Variants in CELF2 observed in about 807,000 individuals in gnomAD.
CELF2 encodes CUGBP Elav-like family member 2, also known as CUG triplet repeat RNA-binding protein 2.
In CELF2, 8 loss-of-function variants were observed where a neutral mutation model predicts 62.6. The observed-to-expected ratio is 0.13, with a 90% CI of 0.07 to 0.23. CELF2 has a LOEUF of 0.23. Among genes scored for constraint, CELF2 ranks in the 10% least tolerant of loss-of-function variants. CELF2 has a pLI of 1.00. For missense variants in CELF2, 333 were observed against 671.0 expected, an observed-to-expected ratio of 0.50 and a Z score of 5.56; for synonymous variants, 258 against 250.0, an observed-to-expected ratio of 1.03 and a Z score of -0.30.
intron 4 of CELF2, 71 bp from the exon 5 acceptor site, chr10:11,257,667 G>A: frequency 6.4e-7 from 1 of 1,551,996 alleles, no homozygotes; most frequent in Non-Finnish European, 8.8e-7. Flanking sequence ...GGTTTGATGG[G>A]GTAATGAAGC....
the CELF2 span, among the ~76,000 whole-genome samples, chr10:10,671,717 G>A: frequency 2.0e-5 from 3 of 151,376 alleles, no homozygotes; most frequent in South Asian, 4.2e-4. Flanking sequence ...ATGCTTATTT[G>A]CCATCTGTAT....
Position 11,334,152 on chromosome 10 carries a change from ACTCAGTCACT to A in CELF2, c.*5100_*5109del, listed in dbSNP as rs1195633861. 3 of 152,678 alleles carry A rather than the reference ACTCAGTCACT, an allele frequency of 2.0e-5. No individual in the cohort carries two copies. The highest frequency in any genetic ancestry group is 7.2e-5 in the African/African-American group (3 of 41,460). 9.5% of individuals were successfully genotyped at this position (152,678 alleles called of 1,614,324 possible). A position where few individuals can be genotyped will look rare whatever the true frequency, so the allele number is the denominator to read the frequency against. On this transcript the variant is annotated 3_prime_UTR_variant, in exon 13 of 13. Coordinates refer to ENST00000633077, the MANE Select transcript of CELF2 (RefSeq NM_001326342.2). ...CAATAAGGTAATTAGATTTAGAAGT[ACTCAGTCACT>A]TTAAGTGGATAAATGTATTAGTTAA... is the stretch of plus-strand genomic sequence containing the variant.
intron 1 of CELF2, among the ~76,000 whole-genome samples, chr10:10,905,412 T>A (rs551418597): frequency 3.9e-5 from 6 of 152,302 alleles, no homozygotes; most frequent in African/African-American, 1.4e-4. Context: ...TAAATTGCCA[T>A]TAGAGTTTGG....
intron 2 of CELF2, among the ~76,000 whole-genome samples, chr10:10,984,580 A>C (rs1259109772): frequency 6.6e-6 from 1 of 152,222 alleles, no homozygotes; most frequent in African/African-American, 2.4e-5. Flanking sequence ...GGATAACCTC[A>C]GTTGCATGTA....
chr10:10,932,624 T>C (rs1386748744), intron 2 of CELF2, among the ~76,000 whole-genome samples: 1 of 152,126 alleles, frequency 6.6e-6, no homozygotes, highest in Non-Finnish European at 1.5e-5. Context: ...GAAGAAAGCA[T>C]GTTCTTTCTT....
At chr10:10,777,508 C>G in the CELF2 span, among the ~76,000 whole-genome samples, 2 of 152,160 alleles carry the variant, frequency 1.3e-5, no homozygotes, top group Non-Finnish European at 2.9e-5. Flanking sequence ...CTCAGTCCAG[C>G]CTTCGCGACA....
chr10:10,568,483 C>T, the CELF2 span, among the ~76,000 whole-genome samples: 182 of 152,246 alleles, frequency 1.2e-3, no homozygotes, highest in African/African-American at 4.0e-3. Flanking sequence ...GTCCTTGTGA[C>T]GAAGAGCCTA....
At chr10:10,702,251 A>G in the CELF2 span, among the ~76,000 whole-genome samples, 5 of 152,212 alleles carry the variant, frequency 3.3e-5, no homozygotes, top group African/African-American at 9.6e-5. Context: ...ACAGCCACAA[A>G]ACAAATGATT....
At chr10:10,568,964 A>G in the CELF2 span, among the ~76,000 whole-genome samples, 2 of 152,166 alleles carry the variant, frequency 1.3e-5, no homozygotes, top group African/African-American at 4.8e-5. Flanking sequence ...CTTTCAGGCC[A>G]TTCCTTCTCC....
the CELF2 span, among the ~76,000 whole-genome samples, chr10:10,637,245 C>T: frequency 5.9e-5 from 9 of 152,146 alleles, no homozygotes; most frequent in Non-Finnish European, 1.0e-4. Flanking sequence ...AAGGGATTTA[C>T]TATGTCCCCC....
intron 1 of CELF2, among the ~76,000 whole-genome samples, chr10:11,050,723 C>A (rs945148097): frequency 1.3e-5 from 2 of 152,238 alleles, no homozygotes; most frequent in Non-Finnish European, 2.9e-5. Flanking sequence ...CTCTCTGTCA[C>A]CAATCCCTTC....
chr10:10,559,726 G>A, the CELF2 span, among the ~76,000 whole-genome samples: 1 of 152,138 alleles, frequency 6.6e-6, no homozygotes, highest in Admixed American at 6.5e-5. Flanking sequence ...TCTGAGAATT[G>A]TAAGGTAGGA....
At chr10:10,605,713 C>T in the CELF2 span, among the ~76,000 whole-genome samples, 262 of 152,276 alleles carry the variant, frequency 1.7e-3, 2 homozygotes, top group African/African-American at 5.7e-3. Context: ...TGTGTGTTTG[C>T]GCAAATATTC....
chr10:11,212,261 C>A (rs954757337), intron 2 of CELF2, among the ~76,000 whole-genome samples: 1 of 152,146 alleles, frequency 6.6e-6, no homozygotes, highest in Non-Finnish European at 1.5e-5. Flanking sequence ...CCAGGGCTTT[C>A]CATACCTGTC....
At chr10:11,099,529 A>C (rs907882194) in intron 1 of CELF2, among the ~76,000 whole-genome samples, 1 of 152,176 alleles carries the variant, frequency 6.6e-6, no homozygotes, top group African/African-American at 2.4e-5. Context: ...AGATGGATTA[A>C]AAAGGGGACT....
At chr10:10,753,919 T>C in the CELF2 span, among the ~76,000 whole-genome samples, 1 of 152,164 alleles carries the variant, frequency 6.6e-6, no homozygotes, top group Non-Finnish European at 1.5e-5. Flanking sequence ...TATTTATAGG[T>C]GAGGGTTTAT....
At chr10:10,553,191 T>C in the CELF2 span, among the ~76,000 whole-genome samples, 1 of 152,130 alleles carries the variant, frequency 6.6e-6, no homozygotes. Flanking sequence ...CAAGAGAGCT[T>C]GGTTCAGGGG....
At chr10:11,264,124 G>A (rs544123801) in intron 5 of CELF2, among the ~76,000 whole-genome samples, 3 of 152,262 alleles carry the variant, frequency 2.0e-5, no homozygotes, top group African/African-American at 7.2e-5. Flanking sequence ...GGTGGGGTAA[G>A]GATTATATAA....
rs939793199 is a variant in CELF2, at chr10:10,943,408, A to G, written c.89+23409A>G. Among the ~76,000 whole-genome samples the G allele has an allele frequency of 5.9e-5, 9 of 152,294 alleles. No homozygotes were observed. The South Asian group carries it at 1.9e-3, about 32-fold the overall frequency. ...CATGTGGACCCAAGAGCTACAGACAATGGGAGGAGCAGAAACTCATGTGCA... is the reference window on the plus strand; with the variant it reads ...CATGTGGACCCAAGAGCTACAGACAGTGGGAGGAGCAGAAACTCATGTGCA... On this transcript the variant is annotated intron_variant, in intron 2 of 13. Coordinates refer to the CELF2 transcript ENST00000636488.
Sources: gnomAD v4.1 joint callset for allele counts (sites outside exome capture counted in the v4.1 genomes callset) on GRCh38, gnomAD v4.1.1 for gene constraint, MANE v1.5 for transcripts, NCBI Gene and HGNC (gene_info 2026-07-23, HGNC 2026-07-21) for gene names.